The following HRNR variants were observed in gnomAD, a reference collection of about 807,000 sequenced individuals.
HRNR encodes hornerin, also known as filaggrin family member 3.
A neutral mutation model predicts 4.8 loss-of-function variants in HRNR; 7 were observed. The observed-to-expected ratio is 1.47, with a 90% CI of 0.83 to 2.75. HRNR has a LOEUF of 2.75. Ranked by LOEUF, HRNR falls within the 30% of genes most tolerant of loss-of-function variation. The pLI is 0.00. For missense variants in HRNR, 2,879 were observed against 3,010.4 expected (o/e 0.96, Z 1.02); for synonymous variants, 1,023 against 1,242.7 (o/e 0.82, Z 3.72).
In HRNR at chr1:152,212,930, T is replaced by C; in HGVS notation, c.*146A>G. On this transcript the variant is annotated 3_prime_UTR_variant, in exon 3 of 3. Coordinates refer to ENST00000368801, the MANE Select transcript of HRNR (RefSeq NM_001009931.3). ...CATAACAAGATATATGCTACAGTTT[T>C]AGGCTCTAAAGAAAGAGACAGAAAT... is the stretch of plus-strand genomic sequence containing the variant. 30 of 1,108,340 alleles carry C rather than the reference T, an allele frequency of 2.7e-5. No homozygotes were observed. The highest frequency in any genetic ancestry group is 5.1e-6 in the Non-Finnish European group (4 of 791,722). The allele number at this position is 1,108,340 out of a possible 1,614,324, so 68.7% of individuals were successfully genotyped here.
At position 152,218,411 on chromosome 1, in the gene HRNR, G is replaced by T. The variant is rs766728830; in HGVS notation, c.3218C>A (p.Ser1073Tyr). 2.8e-5 allele frequency: 45 copies of T among 1,613,352 alleles called. No homozygotes were observed. The highest frequency in any genetic ancestry group is 3.6e-5 in the Non-Finnish European group (43 of 1,180,022). Residue 1073 changes from serine to tyrosine, a missense_variant, in exon 3 of 3, where the codon TCC becomes TAC. Coordinates refer to ENST00000368801, the MANE Select transcript of HRNR (RefSeq NM_001009931.3). Reference sequence around the variant, plus strand: ...AGAACCGTGTTGCCCATGGGTAGAGGAATGACCTGAGCTAGATCCATGTTG... The same window carrying T: ...AGAACCGTGTTGCCCATGGGTAGAGTAATGACCTGAGCTAGATCCATGTTG... ...YGQHGSSSGH[S>Y]STHGQHGSTS...
intron 2 of HRNR, among the ~76,000 whole-genome samples, chr1:152,222,596 G>T (rs920705905): frequency 5.9e-5 from 9 of 152,166 alleles, no homozygotes; most frequent in African/African-American, 1.9e-4. Context: ...AAAAAGGTTA[G>T]TGGGGAAGAT....
In HRNR at chr1:152,218,745, A is replaced by T; in HGVS notation, c.2884T>A (p.Ser962Thr). The change falls in exon 3 of 3, where the codon TCT (serine) becomes ACT (threonine). Residue 962 changes from serine to threonine, a missense_variant. This residue lies in a region of HRNR where 2,646 missense variants were observed against 1,377.7 expected (regional missense o/e 1.92). Coordinates refer to ENST00000368801, the MANE Select transcript of HRNR (RefSeq NM_001009931.3). ...CTCCTAGATGACTGTCCTGACCTAG[A>T]GCCGTGTTGTTCGTAGCTGGAGGAG... Reference protein sequence around the residue: ...GHSSSYEQHGSRSGQSSRSEQ... With the variant: ...GHSSSYEQHGTRSGQSSRSEQ... The T allele has an allele frequency of 6.2e-7, 1 of 1,613,752 alleles. No homozygotes were observed. Among genetic ancestry groups the T allele is most frequent in the Non-Finnish European group, 8.5e-7 (1 of 1,179,980 alleles).
chr1:152,218,556 C>A lies in HRNR; in HGVS notation c.3073G>T (p.Gly1025Cys). Residue 1025 changes from glycine (G) to cysteine (C), a missense_variant, in exon 3 of 3, where the codon GGC (glycine) becomes TGC (cysteine). Physicochemically the swap from Gly to Cys is radical, Grantham distance 159. Around this residue, in one of 8 missense-constraint regions of HRNR, gnomAD observed 2,646 missense variants for 1,377.7 expected, o/e 1.92. Transcript: ENST00000368801. ...CACCCTGAGCCAGACCTATATGGGC[C>A]ATAGCTGGAAGACTGCCCGGAACCA... ...GSGSGQSSSY[G>C]PYRSGSGWSS... 2.5e-6 allele frequency: 4 copies of A among 1,613,588 alleles called. No individual in the cohort carries two copies. The highest frequency in any genetic ancestry group is 3.4e-6 in the Non-Finnish European group (4 of 1,179,790).
rs1343514158 is a variant in HRNR at position 152,212,995 on chromosome 1, C to T, written c.*81G>A. ...TTAGAACGAATTTCATGATGGATTG[C>T]TTGTCTTTCATGATGAATTCATAGA... On this transcript the variant is annotated 3_prime_UTR_variant, in exon 3 of 3. Coordinates refer to ENST00000368801, the MANE Select transcript of HRNR (RefSeq NM_001009931.3). The T allele has an allele frequency of 5.9e-6, 9 of 1,524,526 alleles. No homozygotes were observed. The Admixed American group carries it at 6.3e-5, about 11-fold the overall frequency. 94.4% of individuals were successfully genotyped at this position (1,524,526 alleles called of 1,614,324 possible). A position where few individuals can be genotyped will look rare whatever the true frequency, so the allele number is the denominator to read the frequency against.
Position 152,220,269 on chromosome 1 carries a change from G to A in HRNR, c.1360C>T (p.Pro454Ser), listed in dbSNP as rs1648913510. Residue 454 changes from proline to serine, a missense_variant, in exon 3 of 3, where the codon CCA (proline) becomes TCA (serine). This residue lies in a region of HRNR where 2,646 missense variants were observed against 1,377.7 expected (regional missense o/e 1.92). Coordinates refer to ENST00000368801, the MANE Select transcript of HRNR (RefSeq NM_001009931.3). ...TGFGRSSSSG[P>S]YVSGSGYSSG... ...GAGTAGCCTGAACCAGACACATATG[G>A]GCCACTGCTGGAAGATCGACCAAAG... 2 of 1,613,872 alleles carry A rather than the reference G, an allele frequency of 1.2e-6. No individual in the cohort carries two copies. Among genetic ancestry groups the A allele is most frequent in the South Asian group, 2.2e-5 (2 of 91,086 alleles).
rs200420332 is a variant in HRNR, at chr1:152,220,220, G to C, written c.1409C>G (p.Ser470Cys). 1.2e-5 allele frequency: 19 copies of C among 1,613,922 alleles called. No individual in the cohort carries two copies. In the Admixed American group the frequency reaches 1.7e-4, roughly 14 times the overall value. Residue 470 changes from serine to cysteine, a missense_variant, in exon 3 of 3, where the codon TCT (serine) becomes TGT (cysteine). This residue lies in a region of HRNR where 2,646 missense variants were observed against 1,377.7 expected (regional missense o/e 1.92). Transcript: ENST00000368801. ...GTAACCAGAGGAATGCTCTGAGCTAGACTCGTGGTGACCAAAGCCAGAAGA... is the reference window on the plus strand; with the variant it reads ...GTAACCAGAGGAATGCTCTGAGCTACACTCGTGGTGACCAAAGCCAGAAGA... ...GYSSGFGHHE[S>C]SSEHSSGYTQ...
chr1:152,219,567 T>G lies in HRNR; in HGVS notation c.2062A>C (p.Asn688His). 1 of 1,608,070 alleles carries G rather than the reference T, an allele frequency of 6.2e-7. No individual in the cohort carries two copies. Among genetic ancestry groups the G allele is most frequent in the Non-Finnish European group, 8.5e-7 (1 of 1,178,186 alleles). ...HGSGSGWSSSNGPHGSVSGQS... is the reference protein window; with the variant it reads ...HGSGSGWSSSHGPHGSVSGQS... ...CCTGAGACAGACCCATGTGGGCCAT[T>G]GCTTGAAGACCAACCGGAGCCAGAC... The change falls in exon 3 of 3, where the codon AAT becomes CAT. Residue 688 changes from asparagine (N) to histidine (H), a missense_variant. Physicochemically the swap from Asn to His is moderately conservative, Grantham distance 68. Coordinates refer to ENST00000368801, the MANE Select transcript of HRNR (RefSeq NM_001009931.3).
rs771375980 is a variant in HRNR at position 152,220,322 on chromosome 1, G to A, written c.1307C>T (p.Ser436Phe). 1.2e-6 allele frequency: 2 copies of A among 1,613,684 alleles called. No homozygotes were observed. The highest frequency in any genetic ancestry group is 1.1e-5 in the South Asian group (1 of 91,056). ...AGTCCCATGTTGGCCGGAGCTGGGA[G>A]ACTGCCCTGACCCAGACCCACGCTG... Reference protein sequence around the residue: ...HGQRGSGSGQSPSSGQHGTGF... With the variant: ...HGQRGSGSGQFPSSGQHGTGF... Residue 436 changes from serine to phenylalanine, a missense_variant, in exon 3 of 3, where the codon TCT becomes TTT. By Grantham distance (155) the Ser-to-Phe change is radical. Around this residue, in one of 8 missense-constraint regions of HRNR, gnomAD observed 2,646 missense variants for 1,377.7 expected, o/e 1.92. Transcript: ENST00000368801.
In HRNR at chr1:152,221,468, A is replaced by G; in HGVS notation, c.161T>C (p.Val54Ala). ...ATCCAGACTTTGCAAGATGATATCCACAGTATCTGGATCGTTTGGATTCTG... is the reference window on the plus strand; with the variant it reads ...ATCCAGACTTTGCAAGATGATATCCGCAGTATCTGGATCGTTTGGATTCTG... ...ILKNPNDPDT[V>A]DIILQSLDRD... Residue 54 changes from valine to alanine, a missense_variant, in exon 3 of 3, where the codon GTG (valine) becomes GCG (alanine). By Grantham distance (64) the Val-to-Ala change is moderately conservative. Coordinates refer to ENST00000368801, the MANE Select transcript of HRNR (RefSeq NM_001009931.3). The G allele has an allele frequency of 1.2e-6, 2 of 1,607,388 alleles. No homozygotes were observed. The highest frequency in any genetic ancestry group is 1.7e-6 in the Non-Finnish European group (2 of 1,176,112).
At position 152,218,805 on chromosome 1, in the gene HRNR, A is replaced by C; in HGVS notation, c.2824T>G (p.Ser942Ala). The C allele has an allele frequency of 1.2e-6, 2 of 1,613,796 alleles. No individual in the cohort carries two copies. Among genetic ancestry groups the C allele is most frequent in the Non-Finnish European group, 8.5e-7 (1 of 1,179,980 alleles). The change falls in exon 3 of 3, where the codon TCT (serine) becomes GCT (alanine). Residue 942 changes from serine to alanine, a missense_variant. By Grantham distance (99) the Ser-to-Ala change is moderately conservative (BLOSUM62 1). Coordinates refer to ENST00000368801, the MANE Select transcript of HRNR (RefSeq NM_001009931.3). ...FGHKSSSGQSSGYTQHGSGSG... is the reference protein window; with the variant it reads ...FGHKSSSGQSAGYTQHGSGSG... ...CCAGATCCATGCTGAGTGTAACCAG[A>C]GGACTGCCCTGAGCTAGACTTGTGA...
Position 152,219,911 on chromosome 1 carries a change from G to A in HRNR, c.1718C>T (p.Pro573Leu), listed in dbSNP as rs145844679. ...YGSGRSSSRG[P>L]YESGSGHSSG... ...AGAGTGACCGGAGCCAGACTCATAT[G>A]GGCCACGGCTTGAAGACCTCCCTGA... The change falls in exon 3 of 3, where the codon CCA becomes CTA. Residue 573 changes from proline to leucine, a missense_variant. By Grantham distance (98) the Pro-to-Leu change is moderately conservative. Transcript: ENST00000368801. 4.3e-6 allele frequency: 7 copies of A among 1,613,478 alleles called. No individual in the cohort carries two copies. The highest frequency in any genetic ancestry group is 5.9e-6 in the Non-Finnish European group (7 of 1,179,838).
rs761186989 is a variant in HRNR, at chr1:152,221,193, C to T, written c.436G>A (p.Gly146Arg). Residue 146 changes from glycine (G) to arginine (R), a missense_variant, in exon 3 of 3, where the codon GGA (glycine) becomes AGA (arginine). Physicochemically the swap from Gly to Arg is moderately radical, Grantham distance 125. This residue lies in a region of HRNR where 2,646 missense variants were observed against 1,377.7 expected (regional missense o/e 1.92). Transcript: ENST00000368801. The part of the protein sequence containing the change: ...ENDSYSRNVR[G>R]SLKPGTESIS... ...GATTCAGTCCCAGGTTTAAGACTTC[C>T]TCTGACGTTTCTGGAATAGGAATCA... The T allele has an allele frequency of 3.1e-6, 5 of 1,614,070 alleles. No homozygotes were observed. In the African/African-American group the frequency reaches 5.3e-5, roughly 17 times the overall value.
At position 152,221,118 on chromosome 1, in the gene HRNR, A is replaced by C; in HGVS notation, c.511T>G (p.Ser171Ala). The change falls in exon 3 of 3, where the codon TCC becomes GCC. Residue 171 changes from serine to alanine, a missense_variant. Physicochemically the swap from Ser to Ala is moderately conservative, Grantham distance 99. Transcript: ENST00000368801. The part of the protein sequence containing the change: ...FQRDFSGQHN[S>A]YSGQSSSYGE... The stretch of plus-strand genomic sequence containing the variant: ...TAGCTGGAAGACTGACCTGAGTAGG[A>C]GTTATGTTGGCCAGAAAAGTCTCTT... 1 of 1,614,170 alleles carries C rather than the reference A, an allele frequency of 6.2e-7. No individual in the cohort carries two copies. The highest frequency in any genetic ancestry group is 8.5e-7 in the Non-Finnish European group (1 of 1,180,034).
Position 152,220,874 on chromosome 1 carries a change from C to A in HRNR, c.755G>T (p.Gly252Val). 1.9e-6 allele frequency: 3 copies of A among 1,614,156 alleles called. No individual in the cohort carries two copies. The highest frequency in any genetic ancestry group is 2.5e-6 in the Non-Finnish European group (3 of 1,180,034). Residue 252 changes from glycine (G) to valine (V), a missense_variant, in exon 3 of 3, where the codon GGT (glycine) becomes GTT (valine). Transcript: ENST00000368801. ...SGYSQHGSGS[G>V]HSSGYGQHGS... ...GTGTTGTCCGTAGCCAGAGGAGTGA[C>A]CTGAGCCAGATCCATGCTGACTGTA...
intron 2 of HRNR, 150 bp from the exon 3 acceptor site, chr1:152,221,640 T>C (rs1420510561): frequency 1.7e-6 from 1 of 602,122 alleles, no homozygotes; most frequent in Non-Finnish European, 2.9e-6. Context: ...TTCTGTATCC[T>C]GAGCAGAAAG....
At position 152,213,059 on chromosome 1, in the gene HRNR, G is replaced by A. The variant is rs1251262750; in HGVS notation, c.*17C>T. 8 of 1,598,118 alleles carry A rather than the reference G, an allele frequency of 5.0e-6. No homozygotes were observed. In the South Asian group the frequency reaches 7.9e-5, roughly 16 times the overall value. The stretch of plus-strand genomic sequence containing the variant: ...TCTTAAATTGCTACTTGAGTAAATT[G>A]CATTTATGTTTATTATTCACTGATA... On this transcript the variant is annotated 3_prime_UTR_variant, in exon 3 of 3. Transcript: ENST00000368801.
In HRNR at chr1:152,220,520, T is replaced by A. The variant is rs1432705433; in HGVS notation, c.1109A>T (p.His370Leu). ...GYSKHGSGSG[H>L]SSSQGQHGST... ...TCCATGTTGTCCCTGGCTAGAGGAGTGACCTGAGCCAGAACCATGCTTACT... is the reference window on the plus strand; with the variant it reads ...TCCATGTTGTCCCTGGCTAGAGGAGAGACCTGAGCCAGAACCATGCTTACT... The change falls in exon 3 of 3, where the codon CAC becomes CTC. Residue 370 changes from histidine to leucine, a missense_variant. His to Leu is a moderately conservative substitution (Grantham distance 99, BLOSUM62 -3). Coordinates refer to ENST00000368801, the MANE Select transcript of HRNR (RefSeq NM_001009931.3). 7 of 1,611,580 alleles carry A rather than the reference T, an allele frequency of 4.3e-6. No individual in the cohort carries two copies. The highest frequency in any genetic ancestry group is 5.9e-6 in the Non-Finnish European group (7 of 1,178,720).
In HRNR at chr1:152,219,108, G is replaced by C. The variant is rs761264065; in HGVS notation, c.2521C>G (p.Gln841Glu). 1.2e-6 allele frequency: 2 copies of C among 1,613,586 alleles called. No homozygotes were observed. Among genetic ancestry groups the C allele is most frequent in the South Asian group, 2.2e-5 (2 of 91,044 alleles). The change falls in exon 3 of 3, where the codon CAG becomes GAG. Residue 841 changes from glutamine (Q) to glutamate (E), a missense_variant. Physicochemically the swap from Gln to Glu is conservative, Grantham distance 29. This residue lies in a region of HRNR where 2,646 missense variants were observed against 1,377.7 expected (regional missense o/e 1.92). Coordinates refer to ENST00000368801, the MANE Select transcript of HRNR (RefSeq NM_001009931.3). The part of the protein sequence containing the change: ...HGSASGHFSS[Q>E]GRHGSTSGQS... ...CCTGACGTAGATCCATGTCGTCCCT[G>C]GCTAGAGAAGTGACCTGAGGCAGAA...
Sources: gnomAD v4.1 joint callset for allele counts (sites outside exome capture counted in the v4.1 genomes callset) on GRCh38, gnomAD v4.1.1 for gene constraint, gnomAD v4.1.1 regional missense constraint, MANE v1.5 for transcripts, NCBI Gene and HGNC (gene_info 2026-07-23, HGNC 2026-07-21) for gene names.